SVIL: variants seen among roughly 807,000 people sequenced by gnomAD.
SVIL encodes archvillin.
In SVIL, 101 loss-of-function variants were observed where a neutral mutation model predicts 240.4. That is an observed-to-expected ratio of 0.42 (90% CI 0.36 to 0.50). The LOEUF (loss-of-function observed/expected upper bound fraction) is 0.50. Ranked by LOEUF, SVIL falls within the 20% of genes least tolerant of loss-of-function variation. The pLI is 0.01. For missense variants in SVIL, 2,512 were observed against 2,818.7 expected (o/e 0.89, Z 2.46); for synonymous variants, 999 against 1,100.0 (o/e 0.91, Z 1.82).
intron 1 of SVIL, among the ~76,000 whole-genome samples, chr10:29,722,222 TAAAAAA>T (rs367974093): frequency 8.5e-6 from 1 of 117,740 alleles, no homozygotes; most frequent in Non-Finnish European, 1.8e-5. Context: ...GACTCTGTCT[TAAAAAA>T]AAAAAAAAAA....
chr10:29,603,633 G>T (rs543732569), intron 1 of SVIL, among the ~76,000 whole-genome samples: 172 of 152,274 alleles, frequency 1.1e-3, no homozygotes, highest in Non-Finnish European at 2.1e-3. Flanking sequence ...TGAGGAAGGT[G>T]ATGAAATGAT....
chr10:29,714,775 C>A (rs1163702288), intron 1 of SVIL, among the ~76,000 whole-genome samples: 2 of 151,856 alleles, frequency 1.3e-5, no homozygotes, highest in East Asian at 3.9e-4. Context: ...GCCTTGGGAA[C>A]ATGGTGAGAG....
chr10:29,491,824 C>T (rs1442089989), intron 21 of SVIL, among the ~76,000 whole-genome samples: 2 of 152,178 alleles, frequency 1.3e-5, no homozygotes, highest in Non-Finnish European at 2.9e-5. Context: ...TAAACAGTGA[C>T]ATTGTGTGGG....
chr10:29,562,769 G>GAAA (rs34507610), intron 3 of SVIL, among the ~76,000 whole-genome samples: 2 of 115,748 alleles, frequency 1.7e-5, no homozygotes, highest in Non-Finnish European at 3.5e-5. Context: ...TCAAAAAAAA[G>GAAA]AAAAAAAAAA....
At chr10:29,724,052 A>G (rs930129654) in intron 1 of SVIL, among the ~76,000 whole-genome samples, 3 of 152,214 alleles carry the variant, frequency 2.0e-5, no homozygotes, top group Non-Finnish European at 2.9e-5. Flanking sequence ...TATAAATTGT[A>G]GAACTACCAA....
intron 36 of SVIL, among the ~76,000 whole-genome samples, chr10:29,462,037 C>G (rs1308883841): frequency 1.3e-5 from 2 of 152,212 alleles, no homozygotes; most frequent in Non-Finnish European, 2.9e-5. Flanking sequence ...TTCAACTCAC[C>G]TTTGCTTTTA....
intron 16 of SVIL, among the ~76,000 whole-genome samples, chr10:29,513,513 G>A (rs1188301555): frequency 2.0e-5 from 3 of 152,176 alleles, no homozygotes; most frequent in Admixed American, 6.5e-5. Context: ...TCCAGCCTGG[G>A]TGACACAGTG....
chr10:29,538,535 T>C (rs1331033828), intron 6 of SVIL, among the ~76,000 whole-genome samples: 1 of 152,228 alleles, frequency 6.6e-6, no homozygotes, highest in Non-Finnish European at 1.5e-5. Flanking sequence ...TCTGTTCTTC[T>C]CCTGGGCCGG....
chr10:29,509,841 A>G (rs551468075), intron 17 of SVIL, among the ~76,000 whole-genome samples: 11 of 152,172 alleles, frequency 7.2e-5, no homozygotes, highest in African/African-American at 2.6e-4. Context: ...CGAGAATGAA[A>G]CTTTGTCTCA....
intron 5 of SVIL, 48 bp from the exon 6 acceptor site, chr10:29,551,311 A>G (rs754954255): frequency 1.8e-5 from 27 of 1,507,082 alleles, no homozygotes; most frequent in Middle Eastern, 2.0e-4. Context: ...AAGTAAAGAC[A>G]TGTATTTACA....
chr10:29,640,568 C>T (rs1392154978), intron 3 of SVIL, among the ~76,000 whole-genome samples: 1 of 152,150 alleles, frequency 6.6e-6, no homozygotes, highest in Non-Finnish European at 1.5e-5. Context: ...ACATGGAACT[C>T]AAGAGAAATC....
chr10:29,578,921 T>G (rs1955817925), intron 1 of SVIL, among the ~76,000 whole-genome samples: 1 of 151,286 alleles, frequency 6.6e-6, no homozygotes, highest in South Asian at 2.1e-4. Flanking sequence ...AAAGTCTTCT[T>G]GTCTTTCCTA....
At chr10:29,560,343 A>T (rs191837033) in intron 3 of SVIL, among the ~76,000 whole-genome samples, 17 of 152,362 alleles carry the variant, frequency 1.1e-4, no homozygotes, top group Non-Finnish European at 7.3e-5. Context: ...GCCAGAACCA[A>T]CGTAATCGCA....
chr10:29,700,073 T>C (rs74784668), intron 1 of SVIL, among the ~76,000 whole-genome samples: 19,224 of 152,228 alleles, frequency 0.13, 1,491 homozygotes, highest in Admixed American at 0.2. Flanking sequence ...AGTAAAAACA[T>C]AGACGAAATA....
intron 16 of SVIL, among the ~76,000 whole-genome samples, chr10:29,520,525 A>C (rs1950492891): frequency 2.0e-5 from 3 of 152,238 alleles, no homozygotes. Context: ...AGGAGAAAGT[A>C]AGTCAGATTT....
chr10:29,532,683 A>T lies in SVIL; in HGVS notation c.1684T>A (p.Tyr562Asn). 1 of 1,614,210 alleles carries T rather than the reference A, an allele frequency of 6.2e-7. No homozygotes were observed. Among genetic ancestry groups the T allele is most frequent in the Non-Finnish European group, 8.5e-7 (1 of 1,180,034 alleles). The change falls in exon 8 of 38, where the codon TAT becomes AAT. Residue 562 changes from tyrosine to asparagine, a missense_variant. Physicochemically the swap from Tyr to Asn is moderately radical, Grantham distance 143. This residue lies in a region of SVIL where 1,443 missense variants were observed against 1,486.6 expected (regional missense o/e 0.97). Coordinates refer to ENST00000355867, the MANE Select transcript of SVIL (RefSeq NM_021738.3). ...TGPPQLQALK[Y>N]KDPASRRELE... ...TCTCTCCTGGAAGCTGGGTCCTTAT[A>T]CTTCAAGGCCTGGAGCTGAGGGGGG...
rs375087122 is a variant in SVIL at position 29,609,794 on chromosome 10, C to T, written c.-201+24626G>A. Reference sequence around the variant, plus strand: ...TGCCTGGCTGTGCAGTGGCCAGACCCTGTGTTCACTCACTCACATACCCAC... The same window carrying T: ...TGCCTGGCTGTGCAGTGGCCAGACCTTGTGTTCACTCACTCACATACCCAC... On this transcript the variant is annotated intron_variant, in intron 1 of 37. Coordinates refer to ENST00000355867, the MANE Select transcript of SVIL (RefSeq NM_021738.3). Among the ~76,000 whole-genome samples, 111 of 152,336 alleles carry T rather than the reference C, an allele frequency of 7.3e-4. No individual in the cohort carries two copies. The South Asian group carries it at 9.1e-3, about 13-fold the overall frequency.
chr10:29,588,051 T>C (rs1282893481), intron 1 of SVIL, among the ~76,000 whole-genome samples: 1 of 152,114 alleles, frequency 6.6e-6, no homozygotes, highest in Non-Finnish European at 1.5e-5. Flanking sequence ...ACATTCATCA[T>C]TGCATGAATT....
chr10:29,475,731 G>A (rs1171865867), intron 29 of SVIL, among the ~76,000 whole-genome samples: 1 of 152,172 alleles, frequency 6.6e-6, no homozygotes, highest in Non-Finnish European at 1.5e-5. Context: ...CCCAGGGAGT[G>A]AGGGTCAACA....
Sources: allele counts gnomAD v4.1 joint callset (sites outside exome capture counted in the v4.1 genomes callset), GRCh38; gene constraint gnomAD v4.1.1; regional missense constraint gnomAD v4.1.1; transcripts MANE v1.5; gene names NCBI Gene and HGNC (gene_info 2026-07-23, HGNC 2026-07-21).